Variants in DDHD1 observed in about 807,000 individuals in gnomAD.
The protein encoded by DDHD1 is phospholipase DDHD1.
DDHD1 carries 49 observed loss-of-function variants against 96.4 expected under a neutral mutation model. The ratio of observed to expected loss-of-function variants is 0.51; its 90% CI spans 0.40 to 0.64. The LOEUF (loss-of-function observed/expected upper bound fraction) is 0.64. Ranked by LOEUF, DDHD1 falls within the 30% of genes least tolerant of loss-of-function variation. The pLI is 0.00. For synonymous variants in DDHD1, 442 were observed against 446.5 expected (o/e 0.99, Z 0.13); for missense variants, 1,106 against 1,161.2 (o/e 0.95, Z 0.69).
intron 1 of DDHD1, among the ~76,000 whole-genome samples, chr14:53,148,198 G>A (rs1429193323): frequency 1.3e-5 from 2 of 152,140 alleles, no homozygotes; most frequent in African/African-American, 4.8e-5. Flanking sequence ...AAGACTCCTG[G>A]AAACTACATA....
intron 11 of DDHD1, chr14:53,053,444 T>C (rs1176208561): frequency 6.6e-6 from 1 of 152,126 alleles, no homozygotes; most frequent in Non-Finnish European, 1.5e-5. Context: ...TTGGCCCAAG[T>C]AGGAATGTTC....
intron 1 of DDHD1, among the ~76,000 whole-genome samples, chr14:53,146,488 A>G: frequency 9.7e-6 from 1 of 103,614 alleles, no homozygotes; most frequent in African/African-American, 3.7e-5. Context: ...AGGGCAACAG[A>G]GCATCTCAAA....
intron 5 of DDHD1, 113 bp downstream of exon 5, chr14:53,073,628 A>G (rs1884710720): frequency 1.3e-6 from 1 of 758,614 alleles, no homozygotes; most frequent in Non-Finnish European, 2.1e-6. Context: ...CAAGACAATT[A>G]AATTGAAGAC....
chr14:53,093,617 G>C, intron 2 of DDHD1, 173 bp from the exon 3 acceptor site: 1 of 701,268 alleles, frequency 1.4e-6, no homozygotes, highest in Non-Finnish European at 2.2e-6. Flanking sequence ...GCAAGTAATG[G>C]ATAGGGACTT....
At chr14:53,150,695 G>GA (rs1000723217) in intron 1 of DDHD1, among the ~76,000 whole-genome samples, 20 of 150,994 alleles carry the variant, frequency 1.3e-4, no homozygotes, top group Admixed American at 1.3e-4. Context: ...CTATCTTCAG[G>GA]AAAAAAAATC....
chr14:53,095,351 T>G (rs763793494), intron 2 of DDHD1, among the ~76,000 whole-genome samples: 5 of 152,202 alleles, frequency 3.3e-5, no homozygotes, highest in Non-Finnish European at 5.9e-5. Context: ...CTAACTCTAC[T>G]GATTTAAAGA....
At position 53,042,192 on chromosome 14, in the gene DDHD1, C is replaced by G. The variant is rs1209966771; in HGVS notation, c.*4576G>C. The stretch of plus-strand genomic sequence containing the variant: ...AATAAATTTGGAGGCCCCCACGCAG[C>G]ACCAGATAGATTCACAGAGCATTTA... On this transcript the variant is annotated 3_prime_UTR_variant, in exon 13 of 13. Coordinates refer to ENST00000673822, the MANE Select transcript of DDHD1 (RefSeq NM_001160148.2). 1.3e-5 allele frequency: 2 copies of G among 152,150 alleles called. No individual in the cohort carries two copies. Among genetic ancestry groups the G allele is most frequent in the Non-Finnish European group, 2.9e-5 (2 of 68,016 alleles). 9.4% of individuals were successfully genotyped at this position (152,150 alleles called of 1,614,324 possible).
intron 1 of DDHD1, among the ~76,000 whole-genome samples, chr14:53,136,650 T>C (rs897793351): frequency 2.6e-5 from 4 of 152,202 alleles, no homozygotes; most frequent in African/African-American, 9.6e-5. Context: ...AAATAGTTCA[T>C]GTTCCAATCA....
At chr14:53,058,334 T>G in intron 9 of DDHD1, 143 bp downstream of exon 9, 1 of 892,550 alleles carries the variant, frequency 1.1e-6, no homozygotes, top group Non-Finnish European at 1.7e-6. Flanking sequence ...AGGCTGGTCT[T>G]GAACTCCTGA....
rs1274294878 is a variant in DDHD1, at chr14:53,037,698, T to C, written c.*9070A>G. The stretch of plus-strand genomic sequence containing the variant: ...TTCTGTATGTTGTCTGTTTACTCTG[T>C]TGATAGTGTCTTTTGCTGTGCAGAG... On this transcript the variant is annotated 3_prime_UTR_variant, in exon 13 of 13. Coordinates refer to ENST00000673822, the MANE Select transcript of DDHD1 (RefSeq NM_001160148.2). 6.6e-6 allele frequency: 1 copy of C among 152,168 alleles called. No individual in the cohort carries two copies. Among genetic ancestry groups the C allele is most frequent in the Non-Finnish European group, 1.5e-5 (1 of 68,034 alleles). 9.4% of individuals were successfully genotyped at this position (152,168 alleles called of 1,614,324 possible).
At chr14:53,094,608 G>A (rs977295180) in intron 2 of DDHD1, among the ~76,000 whole-genome samples, 2 of 151,966 alleles carry the variant, frequency 1.3e-5, no homozygotes, top group African/African-American at 4.8e-5. Flanking sequence ...GGGAGGCTGA[G>A]GCAGGAGGAT....
rs1231163411 is a variant in DDHD1 at position 53,044,634 on chromosome 14, T to C, written c.*2134A>G. 6.6e-6 allele frequency: 1 copy of C among 152,232 alleles called. No individual in the cohort carries two copies. The highest frequency in any genetic ancestry group is 2.4e-5 in the African/African-American group (1 of 41,462). 9.4% of individuals were successfully genotyped at this position (152,232 alleles called of 1,614,324 possible). ...CCTGAGTTCATAGGAATCTCTAAGT[T>C]AGAGATAATTTAGCTTTGCTAAGAT... On this transcript the variant is annotated 3_prime_UTR_variant, in exon 13 of 13. Coordinates refer to ENST00000673822, the MANE Select transcript of DDHD1 (RefSeq NM_001160148.2).
intron 1 of DDHD1, among the ~76,000 whole-genome samples, chr14:53,145,600 A>C (rs1379142544): frequency 1.3e-5 from 2 of 152,162 alleles, no homozygotes; most frequent in Non-Finnish European, 2.9e-5. Flanking sequence ...AATGTTCAGA[A>C]AGATAGTCCA....
intron 4 of DDHD1, among the ~76,000 whole-genome samples, chr14:53,083,748 T>TG (rs368777994): frequency 1.3e-5 from 2 of 152,218 alleles, no homozygotes; most frequent in African/African-American, 4.8e-5. Flanking sequence ...AGCAGGGAAA[T>TG]GGTAAGAAAT....
At chr14:53,102,670 CAA>C (rs1887395751) in intron 2 of DDHD1, among the ~76,000 whole-genome samples, 5 of 148,986 alleles carry the variant, frequency 3.4e-5, no homozygotes, top group Non-Finnish European at 6.0e-5. Flanking sequence ...TAAGAGAGAG[CAA>C]AGAGTGGCAG....
intron 12 of DDHD1, among the ~76,000 whole-genome samples, chr14:53,047,536 C>G (rs1882124026): frequency 6.6e-6 from 1 of 152,214 alleles, no homozygotes; most frequent in Non-Finnish European, 1.5e-5. Flanking sequence ...CAGGGTCTAA[C>G]ATGTGCCTGG....
intron 2 of DDHD1, among the ~76,000 whole-genome samples, chr14:53,094,033 C>T (rs1011016140): frequency 5.3e-5 from 8 of 151,944 alleles, no homozygotes; most frequent in East Asian, 1.9e-4. Context: ...AAAAATTAGC[C>T]GGGTGTGGTG....
chr14:53,145,716 G>C (rs888011286), intron 1 of DDHD1, among the ~76,000 whole-genome samples: 1 of 152,070 alleles, frequency 6.6e-6, no homozygotes, highest in Non-Finnish European at 1.5e-5. Context: ...ATTTGGAAAA[G>C]CCATCCATTC....
intron 4 of DDHD1, among the ~76,000 whole-genome samples, chr14:53,080,188 C>A (rs1885338989): frequency 6.6e-6 from 1 of 152,084 alleles, no homozygotes; most frequent in African/African-American, 2.4e-5. Flanking sequence ...GGTGAAATCC[C>A]AACTCTACTA....
Sources: allele counts gnomAD v4.1 joint callset (sites outside exome capture counted in the v4.1 genomes callset), GRCh38; gene constraint gnomAD v4.1.1; transcripts MANE v1.5; gene names NCBI Gene and HGNC (gene_info 2026-07-23, HGNC 2026-07-21).